Variants in POLR3B observed in about 807,000 individuals in gnomAD.
POLR3B encodes the protein RNA polymerase III subunit B.
A neutral mutation model predicts 147.4 loss-of-function variants in POLR3B; 96 were observed. The ratio of observed to expected loss-of-function variants is 0.65; its 90% CI spans 0.55 to 0.77. POLR3B has a LOEUF of 0.77. Among genes scored for constraint, POLR3B ranks in the 30% least tolerant of loss-of-function variants. The pLI, the probability that POLR3B is intolerant of heterozygous loss-of-function variation, is 0.00. For synonymous variants in POLR3B, 461 were observed against 485.9 expected (o/e 0.95, Z 0.67); for missense variants, 1,036 against 1,413.5 (o/e 0.73, Z 4.28).
intron 1 of POLR3B, among the ~76,000 whole-genome samples, chr12:106,363,113 T>G (rs1393260160): frequency 6.6e-6 from 1 of 152,196 alleles, no homozygotes; most frequent in Non-Finnish European, 1.5e-5. Context: ...TTGGTTGGTC[T>G]CACTTTGTGG....
chr12:106,413,459 G>T (rs1303569277), intron 12 of POLR3B, among the ~76,000 whole-genome samples: 1 of 152,016 alleles, frequency 6.6e-6, no homozygotes, highest in Non-Finnish European at 1.5e-5. Context: ...TGTAAAAATG[G>T]GGTTCATGCC....
In POLR3B at chr12:106,357,772, G is replaced by C. The variant is rs940800563; in HGVS notation, c.-108G>C. On this transcript the variant is annotated 5_prime_UTR_variant, in exon 1 of 28. Coordinates refer to ENST00000228347, the MANE Select transcript of POLR3B (RefSeq NM_018082.6). ...CGTCTCTAGCTAACACGCACGGCGGGGACAGTTTAGGCCTCCGCGCACCGT... is the reference window on the plus strand; with the variant it reads ...CGTCTCTAGCTAACACGCACGGCGGCGACAGTTTAGGCCTCCGCGCACCGT... 2 of 1,093,136 alleles carry C rather than the reference G, an allele frequency of 1.8e-6. No homozygotes were observed. The highest frequency in any genetic ancestry group is 2.7e-6 in the Non-Finnish European group (2 of 731,844). 67.7% of individuals were successfully genotyped at this position (1,093,136 alleles called of 1,614,324 possible). A position where few individuals can be genotyped will look rare whatever the true frequency, so the allele number is the denominator to read the frequency against.
At chr12:106,466,425 T>C (rs962896063) in intron 23 of POLR3B, among the ~76,000 whole-genome samples, 6 of 152,258 alleles carry the variant, frequency 3.9e-5, no homozygotes, top group African/African-American at 1.4e-4. Context: ...CTGATGATAG[T>C]TTCTTTTGCT....
At position 106,444,495 on chromosome 12, in the gene POLR3B, C is replaced by T. The variant is rs755312623; in HGVS notation, c.1988C>T (p.Thr663Ile). 5.8e-5 allele frequency: 93 copies of T among 1,613,800 alleles called. No individual in the cohort carries two copies. The highest frequency in any genetic ancestry group is 6.4e-5 in the Non-Finnish European group (76 of 1,179,886). ...ACCCACTTGGAGATTGAACCCTTCA[C>T]TCTTCTCGGCGTGTGTGCTGGACTT... The part of the protein sequence containing the change: ...DTTHLEIEPF[T>I]LLGVCAGLIP... Residue 663 changes from threonine (T) to isoleucine (I), a missense_variant, in exon 19 of 28, where the codon ACT (threonine) becomes ATT (isoleucine). Thr to Ile is a moderately conservative substitution (Grantham distance 89). Around this residue, in one of 12 missense-constraint regions of POLR3B, gnomAD observed 177 missense variants for 232.7 expected, o/e 0.76. Coordinates refer to ENST00000228347, the MANE Select transcript of POLR3B (RefSeq NM_018082.6).
rs139237496 is a variant in POLR3B, at chr12:106,491,200, C to T, written c.2714-4855C>T. Among the ~76,000 whole-genome samples the T allele has an allele frequency of 5.3e-5, 8 of 152,310 alleles. 1 individual carries two copies. Among genetic ancestry groups the T allele is most frequent in the African/African-American group, 1.9e-4 (8 of 41,554 alleles). ...CATTAGCTCATCTGTTCTTCTAACA[C>T]AATTGCTTCATGAGATAGGTGCTAA... On this transcript the variant is annotated intron_variant, in intron 23 of 27. Coordinates refer to ENST00000228347, the MANE Select transcript of POLR3B (RefSeq NM_018082.6).
chr12:106,380,099 A>G lies in POLR3B; in HGVS notation c.683A>G (p.Asn228Ser). The G allele has an allele frequency of 1.2e-6, 2 of 1,612,044 alleles. No homozygotes were observed. Among genetic ancestry groups the G allele is most frequent in the East Asian group, 2.2e-5 (1 of 44,828 alleles). Residue 228 changes from asparagine to serine, a missense_variant, in exon 9 of 28, where the codon AAT becomes AGT. This residue lies in a region of POLR3B where 217 missense variants were observed against 288.7 expected (regional missense o/e 0.75). Transcript: ENST00000228347. ...CAAGGACGATTTTATTTGAGGCATA[A>G]TACTTTGTCAGAAGATATACCCATT... is the stretch of plus-strand genomic sequence containing the variant. ...VKQGRFYLRH[N>S]TLSEDIPIVI...
intron 12 of POLR3B, among the ~76,000 whole-genome samples, chr12:106,422,904 C>G (rs764569069): frequency 8.5e-5 from 13 of 152,054 alleles, no homozygotes; most frequent in African/African-American, 2.9e-4. Context: ...GGAGAAGATT[C>G]GTAATCTTAA....
In POLR3B at chr12:106,405,905, G is replaced by T. The variant is rs934075902; in HGVS notation, c.895G>T (p.Gly299Cys). ...NKVRRQRMWG[G>C]GPKKTKIEEA... ...AGTAAGAAGGCAAAGGATGTGGGGAGGTGGACCAAAGAAAACCAAAATAGA... is the reference window on the plus strand; with the variant it reads ...AGTAAGAAGGCAAAGGATGTGGGGATGTGGACCAAAGAAAACCAAAATAGA... The change falls in exon 11 of 28, where the codon GGT (glycine) becomes TGT (cysteine). Residue 299 changes from glycine (G) to cysteine (C), a missense_variant. Transcript: ENST00000228347. The T allele has an allele frequency of 1.2e-6, 2 of 1,613,054 alleles. No homozygotes were observed. The highest frequency in any genetic ancestry group is 1.7e-6 in the Non-Finnish European group (2 of 1,179,192).
chr12:106,474,347 CCGGCTTTGGT>C (rs2038133078), intron 23 of POLR3B, among the ~76,000 whole-genome samples: 1 of 109,912 alleles, frequency 9.1e-6, no homozygotes, highest in Non-Finnish European at 1.8e-5. Context: ...GTGTCTCTGC[CCGGCTTTGGT>C]ATCAGAATGA....
At chr12:106,488,278 C>A (rs1278942976) in intron 23 of POLR3B, among the ~76,000 whole-genome samples, 1 of 152,232 alleles carries the variant, frequency 6.6e-6, no homozygotes, top group Non-Finnish European at 1.5e-5. Context: ...AGTGAGTCTG[C>A]ATCCCCCCAA....
At chr12:106,392,023 T>G (rs755115563) in intron 9 of POLR3B, among the ~76,000 whole-genome samples, 2 of 152,224 alleles carry the variant, frequency 1.3e-5, no homozygotes, top group Non-Finnish European at 2.9e-5. Flanking sequence ...TTCCTTGATA[T>G]GGCAAAATTC....
intron 1 of POLR3B, among the ~76,000 whole-genome samples, chr12:106,362,116 AT>A (rs879645198): frequency 2.7e-5 from 4 of 150,112 alleles, no homozygotes; most frequent in South Asian, 2.1e-4. Flanking sequence ...AAAGTTTTAA[AT>A]TTTTTTTTTA....
chr12:106,487,781 G>A (rs116563527), intron 23 of POLR3B, among the ~76,000 whole-genome samples: 2,469 of 152,286 alleles, frequency 0.016, 68 homozygotes, highest in African/African-American at 0.057. Context: ...AAGAGGAAGC[G>A]GAACAGTGGT....
At chr12:106,375,969 T>C (rs528532173) in intron 6 of POLR3B, among the ~76,000 whole-genome samples, 15 of 152,252 alleles carry the variant, frequency 9.9e-5, no homozygotes, top group Middle Eastern at 3.4e-3. Context: ...CTCAGCCTCC[T>C]GAGTAGCTGG....
intron 23 of POLR3B, among the ~76,000 whole-genome samples, chr12:106,483,396 A>G (rs1469707111): frequency 6.6e-6 from 1 of 152,206 alleles, no homozygotes; most frequent in Non-Finnish European, 1.5e-5. Flanking sequence ...TGTGTGGGGC[A>G]CTTTAGGGGA....
chr12:106,466,780 C>T (rs1397620084), intron 23 of POLR3B, among the ~76,000 whole-genome samples: 1 of 152,170 alleles, frequency 6.6e-6, no homozygotes, highest in Non-Finnish European at 1.5e-5. Flanking sequence ...GGTGTTATTT[C>T]TGAGGCCTCT....
At chr12:106,507,497 C>A in intron 27 of POLR3B, 1 of 219,744 alleles carries the variant, frequency 4.6e-6, no homozygotes, top group Non-Finnish European at 9.1e-6. Flanking sequence ...AATGCATTTC[C>A]CCAATTTAAT....
intron 11 of POLR3B, among the ~76,000 whole-genome samples, chr12:106,408,625 C>G (rs1009141757): frequency 1.3e-5 from 2 of 152,204 alleles, no homozygotes; most frequent in Non-Finnish European, 2.9e-5. Context: ...TAAAAGATCT[C>G]CGGAGTTCTG....
intron 9 of POLR3B, among the ~76,000 whole-genome samples, chr12:106,382,955 C>T (rs966835005): frequency 6.6e-5 from 10 of 152,180 alleles, no homozygotes; most frequent in African/African-American, 1.9e-4. Context: ...CATTGAAAAT[C>T]GGTTGTTTAG....
Sources: gnomAD v4.1 joint callset for allele counts (sites outside exome capture counted in the v4.1 genomes callset) on GRCh38, gnomAD v4.1.1 for gene constraint, gnomAD v4.1.1 regional missense constraint, MANE v1.5 for transcripts, NCBI Gene and HGNC (gene_info 2026-07-23, HGNC 2026-07-21) for gene names.